Variants in TNFRSF14 observed in about 807,000 individuals in gnomAD.
TNFRSF14 encodes tumor necrosis factor receptor superfamily member 14.
In TNFRSF14, 18 loss-of-function variants were observed where a neutral mutation model predicts 34.1. The ratio of observed to expected loss-of-function variants is 0.53; its 90% CI spans 0.36 to 0.78. The LOEUF is 0.78. Ranked by LOEUF, TNFRSF14 falls within the 30% of genes least tolerant of loss-of-function variation. The pLI, the probability that TNFRSF14 is intolerant of heterozygous loss-of-function variation, is 0.00. For missense variants in TNFRSF14, 352 were observed against 379.5 expected (o/e 0.93, Z 0.60); for synonymous variants, 157 against 153.2 (o/e 1.02, Z -0.18).
At chr1:2,557,592 C>T (rs1644236699) in intron 1 of TNFRSF14, 134 bp from the exon 2 acceptor site, 2 of 631,070 alleles carry the variant, frequency 3.2e-6, no homozygotes, top group Non-Finnish European at 5.2e-6. Flanking sequence ...GGCCTGGGGC[C>T]CGCTTCTGTC....
At position 2,561,376 on chromosome 1, in the gene TNFRSF14, G is replaced by A; in HGVS notation, c.552-297G>A. ...TGCCACTGGTCTCCCGTGCTCTGGG[G>A]TCTCTGCACTGCTGGCTGCCTCCCG... On this transcript the variant is annotated intron_variant, in intron 5 of 7. Coordinates refer to ENST00000355716, the MANE Select transcript of TNFRSF14 (RefSeq NM_003820.4). The surrounding 1 kb of genome is among the most constrained non-coding windows in gnomAD (Gnocchi z 6.0). 1 of 987,122 alleles carries A rather than the reference G, an allele frequency of 1.0e-6. No individual in the cohort carries two copies. Among genetic ancestry groups the A allele is most frequent in the Non-Finnish European group, 1.5e-6 (1 of 677,436 alleles). The allele number at this position is 987,122 out of a possible 1,614,324, so 61.1% of individuals were successfully genotyped here. A position where few individuals can be genotyped will look rare whatever the true frequency, so the allele number is the denominator to read the frequency against.
rs1463126444 is a variant in TNFRSF14 at position 2,561,317 on chromosome 1, G to A, written c.552-356G>A. On this transcript the variant is annotated intron_variant, in intron 5 of 7. Coordinates refer to ENST00000355716, the MANE Select transcript of TNFRSF14 (RefSeq NM_003820.4). The surrounding 1 kb of genome is among the most constrained non-coding windows in gnomAD (Gnocchi z 6.0). Reference sequence around the variant, plus strand: ...CTCCAGCTCTAACCATTTTTGTCCCGACACTGGCTCTCCCTCTACCTTCTG... The same window carrying A: ...CTCCAGCTCTAACCATTTTTGTCCCAACACTGGCTCTCCCTCTACCTTCTG... 12 of 619,060 alleles carry A rather than the reference G, an allele frequency of 1.9e-5. No homozygotes were observed. The East Asian group carries it at 2.0e-4, about 10-fold the overall frequency. 38.3% of individuals were successfully genotyped at this position (619,060 alleles called of 1,614,324 possible). A position where few individuals can be genotyped will look rare whatever the true frequency, so the allele number is the denominator to read the frequency against.
intron 1 of TNFRSF14, chr1:2,557,167 G>A (rs955553080): frequency 1.4e-5 from 3 of 213,234 alleles, no homozygotes; most frequent in Non-Finnish European, 2.8e-5. Flanking sequence ...GTGGGGTGGG[G>A]ATACTCTCCA....
At chr1:2,558,216 T>C in intron 2 of TNFRSF14, 127 bp from the exon 3 acceptor site, 2 of 1,381,752 alleles carry the variant, frequency 1.4e-6, no homozygotes, top group Non-Finnish European at 1.9e-6. Flanking sequence ...CCCGTGGGGC[T>C]CATGGGCCAT....
In TNFRSF14 at chr1:2,556,460, C is replaced by A; in HGVS notation, c.-205C>A. ...CCCCAGCGCCGCTCCACCCAGCAGG[C>A]CTGAGCCCCTCTCTGCTGCCAGACA... On this transcript the variant is annotated 5_prime_UTR_variant, in exon 1 of 8. Coordinates refer to ENST00000355716, the MANE Select transcript of TNFRSF14 (RefSeq NM_003820.4). The A allele has an allele frequency of 1.4e-6, 1 of 705,656 alleles. No homozygotes were observed. Among genetic ancestry groups the A allele is most frequent in the Non-Finnish European group, 2.6e-6 (1 of 388,946 alleles). The allele number at this position is 705,656 out of a possible 1,614,324, so 43.7% of individuals were successfully genotyped here.
Position 2,561,873 on chromosome 1 carries a change from C to G in TNFRSF14, c.694+58C>G. On this transcript the variant is annotated intron_variant, in intron 6 of 7. Coordinates refer to ENST00000355716, the MANE Select transcript of TNFRSF14 (RefSeq NM_003820.4). The surrounding 1 kb of genome is among the most constrained non-coding windows in gnomAD (Gnocchi z 6.0). The stretch of plus-strand genomic sequence containing the variant: ...TCCCCAGCCGTCACCTCTTGGAGCT[C>G]TGTCACCCCAAGCCTGGGAGGTGGC... The G allele has an allele frequency of 6.4e-7, 1 of 1,558,966 alleles. No individual in the cohort carries two copies. Among genetic ancestry groups the G allele is most frequent in the East Asian group, 2.2e-5 (1 of 44,512 alleles).
chr1:2,559,473 G>A (rs767914265), intron 3 of TNFRSF14: 9 of 1,437,542 alleles, frequency 6.3e-6, no homozygotes, highest in Middle Eastern at 3.6e-4. Flanking sequence ...GTGGGTGTCT[G>A]GGTGGGCACG....
At chr1:2,560,357 C>T (rs557645605) in intron 4 of TNFRSF14, among the ~76,000 whole-genome samples, 8 of 152,258 alleles carry the variant, frequency 5.3e-5, no homozygotes, top group Non-Finnish European at 1.0e-4. Context: ...TGCATCTGGC[C>T]GGGCAGCCCC....
rs563249007 is a variant in TNFRSF14, at chr1:2,559,173, A to G, written c.305-650A>G. On this transcript the variant is annotated intron_variant, in intron 3 of 7. Transcript: ENST00000355716. Reference sequence around the variant, plus strand: ...CACAGGGCAGGTGGGCTAGCCATGAACAGAAGAGGAAGCTGGAGTGCTTTG... The same window carrying G: ...CACAGGGCAGGTGGGCTAGCCATGAGCAGAAGAGGAAGCTGGAGTGCTTTG... 809 of 1,367,406 alleles carry G rather than the reference A, an allele frequency of 5.9e-4. 2 individuals are homozygous for G. In the Middle Eastern group the frequency reaches 7.7e-3, roughly 13 times the overall value. The allele number at this position is 1,367,406 out of a possible 1,614,324, so 84.7% of individuals were successfully genotyped here. A position where few individuals can be genotyped will look rare whatever the true frequency, so the allele number is the denominator to read the frequency against.
intron 3 of TNFRSF14, chr1:2,559,590 C>G (rs1176451076): frequency 6.5e-7 from 1 of 1,532,070 alleles, no homozygotes; most frequent in Non-Finnish European, 8.7e-7. Flanking sequence ...CGAAGCCCTC[C>G]CAGGACCTTC....
chr1:2,559,179 G>C, intron 3 of TNFRSF14: 3 of 1,368,068 alleles, frequency 2.2e-6, no homozygotes, highest in Non-Finnish European at 2.9e-6. Context: ...ATGAACAGAA[G>C]AGGAAGCTGG....
intron 1 of TNFRSF14, 32 bp from the exon 2 acceptor site, chr1:2,557,694 G>C: frequency 1.3e-6 from 2 of 1,517,314 alleles, no homozygotes; most frequent in Non-Finnish European, 9.0e-7. Flanking sequence ...GGCAGCCAGG[G>C]CATCTCCCAA....
Position 2,556,615 on chromosome 1 carries a change from G to T in TNFRSF14, c.-50G>T, listed in dbSNP as rs1422268979. On this transcript the variant is annotated 5_prime_UTR_variant, in exon 1 of 8. Coordinates refer to ENST00000355716, the MANE Select transcript of TNFRSF14 (RefSeq NM_003820.4). Reference sequence around the variant, plus strand: ...GCAATGGCGCTGAGTTCCTCTGCTGGAGTTCATCCTGCTAGCTGGGTTCCC... The same window carrying T: ...GCAATGGCGCTGAGTTCCTCTGCTGTAGTTCATCCTGCTAGCTGGGTTCCC... 1.1e-5 allele frequency: 17 copies of T among 1,565,384 alleles called. No homozygotes were observed. Among genetic ancestry groups the T allele is most frequent in the Non-Finnish European group, 1.4e-5 (16 of 1,144,568 alleles).
intron 6 of TNFRSF14, 93 bp from the exon 7 acceptor site, chr1:2,562,772 G>T: frequency 6.6e-7 from 1 of 1,518,292 alleles, no homozygotes; most frequent in Non-Finnish European, 9.1e-7. Flanking sequence ...AGCAGGAGTT[G>T]TGCCTCCGCC....
chr1:2,559,986 G>A lies in TNFRSF14; in HGVS notation c.460+8G>A. The A allele has an allele frequency of 6.5e-7, 1 of 1,538,240 alleles. No individual in the cohort carries two copies. The highest frequency in any genetic ancestry group is 8.8e-7 in the Non-Finnish European group (1 of 1,137,998). On this transcript the variant is annotated splice_region_variant and intron_variant, in intron 4 of 7. Coordinates refer to ENST00000355716, the MANE Select transcript of TNFRSF14 (RefSeq NM_003820.4). ...AGAGGGTGCAGAAGGGAGGTAAGCG[G>A]TGGGTGGCGGACACCCCTCCCATTT... is the stretch of plus-strand genomic sequence containing the variant.
upstream of TNFRSF14, chr1:2,555,837 G>C (rs1178111846): frequency 1.3e-5 from 2 of 154,374 alleles, no homozygotes. This position sits in a 1 kb window ranked among gnomAD's most constrained non-coding sequence, Gnocchi z 6.3. Flanking sequence ...ACTGTGGGCT[G>C]TCTCCATCCG....
chr1:2,562,048 A>G, intron 6 of TNFRSF14: 1 of 585,402 alleles, frequency 1.7e-6, no homozygotes, highest in South Asian at 2.0e-5. Flanking sequence ...GCCCTCAGCC[A>G]CCCCTGCCCA....
chr1:2,558,275 G>A lies in TNFRSF14; in HGVS notation c.179-68G>A, dbSNP rs1644249232. 3 of 1,541,984 alleles carry A rather than the reference G, an allele frequency of 1.9e-6. No homozygotes were observed. In the Admixed American group the frequency reaches 6.2e-5, roughly 32 times the overall value. The stretch of plus-strand genomic sequence containing the variant: ...CCCTGCTTGGGCTCTGGGCGCGGGT[G>A]GAGTGATGGGTGGGCTCCCGAAGGG... On this transcript the variant is annotated intron_variant, in intron 2 of 7. Transcript: ENST00000355716.
Position 2,556,538 on chromosome 1 carries a change from A to C in TNFRSF14, c.-127A>C. 1.0e-6 allele frequency: 1 copy of C among 990,840 alleles called. No individual in the cohort carries two copies. Among genetic ancestry groups the C allele is most frequent in the South Asian group, 1.4e-5 (1 of 72,624 alleles). The allele number at this position is 990,840 out of a possible 1,614,324, so 61.4% of individuals were successfully genotyped here. Reference sequence around the variant, plus strand: ...CGGGTTCTGAGGCACAGCTTGTCACACCGAGGCGGATTCTCTTTCTCTTTC... The same window carrying C: ...CGGGTTCTGAGGCACAGCTTGTCACCCCGAGGCGGATTCTCTTTCTCTTTC... On this transcript the variant is annotated 5_prime_UTR_variant, in exon 1 of 8. Transcript: ENST00000355716.
Sources: gnomAD v4.1 joint callset for allele counts (sites outside exome capture counted in the v4.1 genomes callset) on GRCh38, gnomAD v4.1.1 for gene constraint, Gnocchi (gnomAD v3.1) non-coding constraint, MANE v1.5 for transcripts, NCBI Gene and HGNC (gene_info 2026-07-23, HGNC 2026-07-21) for gene names.